POLR1A: variants seen among roughly 807,000 people sequenced by gnomAD.
POLR1A encodes the protein RNA polymerase I subunit A.
POLR1A carries 84 observed loss-of-function variants against 205.3 expected under a neutral mutation model. The ratio of observed to expected loss-of-function variants is 0.41; its 90% confidence interval spans 0.34 to 0.49. The LOEUF is 0.49. Among genes scored for constraint, POLR1A ranks in the 20% least tolerant of loss-of-function variants. The probability of loss-of-function intolerance (pLI) is 0.22; values close to 1 mark genes in which losing one functional copy is unlikely to be tolerated. For missense variants in POLR1A, 1,645 were observed against 2,204.5 expected (o/e 0.75, Z 5.08); for synonymous variants, 799 against 863.7 (o/e 0.93, Z 1.31).
intron 30 of POLR1A, 150 bp downstream of exon 30, chr2:86,031,180 G>C: frequency 8.4e-7 from 1 of 1,187,508 alleles, no homozygotes; most frequent in Non-Finnish European, 1.1e-6. Context: ...CCCCAAACAG[G>C]AGGCCTGGCT....
At chr2:86,059,156 G>C (rs554237486) in intron 14 of POLR1A, among the ~76,000 whole-genome samples, 1 of 152,316 alleles carries the variant, frequency 6.6e-6, no homozygotes, top group African/African-American at 2.4e-5. Flanking sequence ...GAACGAGGCA[G>C]ATCTACATGT....
intron 12 of POLR1A, among the ~76,000 whole-genome samples, chr2:86,073,247 G>A (rs975285786): frequency 3.3e-5 from 5 of 151,528 alleles, no homozygotes; most frequent in Non-Finnish European, 7.4e-5. Context: ...TTGGTGGGTA[G>A]CAGACTACAG....
chr2:86,053,059 C>T (rs562624305), intron 15 of POLR1A, 59 bp from the exon 16 acceptor site: 1 of 1,293,254 alleles, frequency 7.7e-7, no homozygotes, highest in African/African-American at 1.5e-5. Flanking sequence ...TGGGAGTCAC[C>T]CACCCTCTAC....
At chr2:86,064,403 C>G (rs549245910) in intron 14 of POLR1A, among the ~76,000 whole-genome samples, 1 of 152,186 alleles carries the variant, frequency 6.6e-6, no homozygotes, top group East Asian at 1.9e-4. Context: ...AGCAGAAGAA[C>G]ATATTTTACT....
intron 6 of POLR1A, among the ~76,000 whole-genome samples, chr2:86,087,425 C>T (rs1208028764): frequency 6.6e-6 from 1 of 152,190 alleles, no homozygotes; most frequent in Admixed American, 6.6e-5. Flanking sequence ...TTCCTCAATT[C>T]TAGGCAAGAG....
intron 18 of POLR1A, among the ~76,000 whole-genome samples, chr2:86,048,349 T>A (rs953224446): frequency 6.6e-6 from 1 of 152,220 alleles, no homozygotes; most frequent in Non-Finnish European, 1.5e-5. Flanking sequence ...AGGAACTGGC[T>A]TGGCATTGTG....
In POLR1A at chr2:86,020,607, T is replaced by G. The variant is rs112934091; in HGVS notation, c.*6816A>C. 5.8e-4 allele frequency: 86 copies of G among 149,466 alleles called. 1 individual carries two copies. Among genetic ancestry groups the G allele is most frequent in the African/African-American group, 2.1e-3 (83 of 40,462 alleles). The allele number at this position is 149,466 out of a possible 1,614,324, so 9.3% of individuals were successfully genotyped here. On this transcript the variant is annotated 3_prime_UTR_variant, in exon 34 of 34. Coordinates refer to ENST00000263857, the MANE Select transcript of POLR1A (RefSeq NM_015425.6). ...TTCATCTATCAGAATGGCTAAAATG[T>G]AAATGATTCCACTTTGTAAAATAAA... is the stretch of plus-strand genomic sequence containing the variant.
rs1262791582 is a variant in POLR1A at position 86,022,745 on chromosome 2, C to T, written c.*4678G>A. The T allele has an allele frequency of 5.3e-5, 8 of 152,332 alleles. No individual in the cohort carries two copies. The East Asian group carries it at 9.6e-4, about 18-fold the overall frequency. The allele number at this position is 152,332 out of a possible 1,614,324, so 9.4% of individuals were successfully genotyped here. A position where few individuals can be genotyped will look rare whatever the true frequency, so the allele number is the denominator to read the frequency against. On this transcript the variant is annotated 3_prime_UTR_variant, in exon 34 of 34. Coordinates refer to ENST00000263857, the MANE Select transcript of POLR1A (RefSeq NM_015425.6). Reference sequence around the variant, plus strand: ...CTGGGACCACAGGCACATGTCACAACACCTGGCTAATTTTTGTAGATACGG... The same window carrying T: ...CTGGGACCACAGGCACATGTCACAATACCTGGCTAATTTTTGTAGATACGG...
At chr2:86,030,792 G>T (rs536761395) in intron 30 of POLR1A, among the ~76,000 whole-genome samples, 5 of 152,296 alleles carry the variant, frequency 3.3e-5, no homozygotes, top group South Asian at 2.1e-4. Context: ...AAGACAAAGC[G>T]TAAGTGTGTG....
chr2:86,054,682 T>C (rs1282975167), intron 14 of POLR1A, among the ~76,000 whole-genome samples: 1 of 152,268 alleles, frequency 6.6e-6, no homozygotes, highest in Non-Finnish European at 1.5e-5. Flanking sequence ...GAATTAATTA[T>C]AGCTACTGAA....
intron 28 of POLR1A, 62 bp from the exon 29 acceptor site, chr2:86,032,444 T>C (rs1462470513): frequency 4.7e-5 from 56 of 1,182,232 alleles, no homozygotes; most frequent in Non-Finnish European, 6.7e-5. Flanking sequence ...AGTGAATCCA[T>C]CCATCCACCC....
rs1044611492 is a variant in POLR1A, at chr2:86,025,617, T to C, written c.*1806A>G. 1 of 152,268 alleles carries C rather than the reference T, an allele frequency of 6.6e-6. No homozygotes were observed. Among genetic ancestry groups the C allele is most frequent in the Non-Finnish European group, 1.5e-5 (1 of 68,058 alleles). The allele number at this position is 152,268 out of a possible 1,614,324, so 9.4% of individuals were successfully genotyped here. ...GGTCGGGGGTCTGATCTAAGTGCGA[T>C]GGTCACAGCCCTGCCAATATGCAGG... On this transcript the variant is annotated 3_prime_UTR_variant, in exon 34 of 34. Coordinates refer to ENST00000263857, the MANE Select transcript of POLR1A (RefSeq NM_015425.6).
chr2:86,099,380 C>T (rs1456240188), intron 2 of POLR1A, among the ~76,000 whole-genome samples: 1 of 151,038 alleles, frequency 6.6e-6, no homozygotes, highest in African/African-American at 2.4e-5. Context: ...AAAGACACTT[C>T]TCTTTAACAC....
chr2:86,031,287 C>T (rs1245100351), intron 30 of POLR1A, 43 bp downstream of exon 30: 2 of 1,511,926 alleles, frequency 1.3e-6, no homozygotes, highest in African/African-American at 1.4e-5. Flanking sequence ...ATTTGGCCAG[C>T]TGGACCAACC....
intron 14 of POLR1A, among the ~76,000 whole-genome samples, chr2:86,057,613 T>G (rs918293201): frequency 6.6e-6 from 1 of 152,222 alleles, no homozygotes; most frequent in African/African-American, 2.4e-5. Flanking sequence ...AATGGAATGT[T>G]ATTCATCCAT....
chr2:86,054,116 C>T (rs1558770438), intron 15 of POLR1A, 24 bp downstream of exon 15: 9 of 1,613,036 alleles, frequency 5.6e-6, no homozygotes, highest in Non-Finnish European at 7.6e-6. Context: ...GAAGTCTCCA[C>T]TCCACACAGC....
chr2:86,091,737 T>C (rs1381607375), intron 3 of POLR1A, among the ~76,000 whole-genome samples: 1 of 152,152 alleles, frequency 6.6e-6, no homozygotes, highest in African/African-American at 2.4e-5. Context: ...AAGAAAATCC[T>C]TTCTTTCTCT....
Position 86,088,859 on chromosome 2 carries a change from C to T in POLR1A, c.552G>A (p.Val184=). Residue 184 remains valine (V), a synonymous_variant, in exon 5 of 34, where the codon GTG becomes GTA. Transcript: ENST00000263857. ...LGSQGAHVKN[V]CESKSKLIAL... ...CAATGAGCTTGCTCTTGCTCTCACACACGTTCTTTACCTGTTTTTTTAAAA... is the reference window on the plus strand; with the variant it reads ...CAATGAGCTTGCTCTTGCTCTCACATACGTTCTTTACCTGTTTTTTTAAAA... 6.2e-7 allele frequency: 1 copy of T among 1,613,036 alleles called. No homozygotes were observed. The highest frequency in any genetic ancestry group is 8.5e-7 in the Non-Finnish European group (1 of 1,179,132).
At position 86,038,653 on chromosome 2, in the gene POLR1A, G is replaced by A. The variant is rs780181969; in HGVS notation, c.4034+47C>T. The stretch of plus-strand genomic sequence containing the variant: ...AGGTGCTTCCTGCCCCAGTTCAAGC[G>A]CATTCTCTGGGTCAAGGTCAATGAC... On this transcript the variant is annotated intron_variant, in intron 27 of 33. Transcript: ENST00000263857. 1.7e-5 allele frequency: 27 copies of A among 1,589,656 alleles called. 1 individual carries two copies. The highest frequency in any genetic ancestry group is 2.2e-4 in the Middle Eastern group (1 of 4,488).
Sources: allele counts gnomAD v4.1 joint callset (sites outside exome capture counted in the v4.1 genomes callset), GRCh38; gene constraint gnomAD v4.1.1; transcripts MANE v1.5; gene names NCBI Gene and HGNC (gene_info 2026-07-23, HGNC 2026-07-21).